MTERF3: variants seen among roughly 807,000 people sequenced by gnomAD.
MTERF3 encodes transcription termination factor 3, mitochondrial.
A neutral mutation model predicts 40.5 loss-of-function variants in MTERF3; 40 were observed. The observed-to-expected ratio is 0.99, with a 90% CI of 0.77 to 1.29. MTERF3 has a LOEUF of 1.29. Ranked by LOEUF, MTERF3 falls within the 50% of genes most tolerant of loss-of-function variation. The probability of loss-of-function intolerance (pLI) is 0.00; values close to 1 mark genes in which losing one functional copy is unlikely to be tolerated. For synonymous variants in MTERF3, 158 were observed against 166.6 expected (o/e 0.95, Z 0.40); for missense variants, 452 against 478.2 (o/e 0.95, Z 0.51).
chr8:96,250,666 AAGAAGAAGAAGAAGAAGG>A lies in MTERF3; in HGVS notation c.677+222_677+239del, dbSNP rs1810151939. 5.6e-5 allele frequency among the ~76,000 whole-genome samples: 2 copies of A among 35,496 alleles called. 1 individual carries two copies. Among genetic ancestry groups the A allele is most frequent in the Non-Finnish European group, 1.2e-4 (2 of 17,104 alleles). The allele number at this position is 35,496 out of a possible 152,430, so 23.3% of individuals were successfully genotyped here. A position where few individuals can be genotyped will look rare whatever the true frequency, so the allele number is the denominator to read the frequency against. On this transcript the variant is annotated intron_variant, in intron 4 of 7. Coordinates refer to ENST00000287025, the MANE Select transcript of MTERF3 (RefSeq NM_015942.5). ...GAAGAAGAAGAAGAAGAAGAAGAAGAAGAAGAAGAAGAAGAAGGAGGAGGAGGAGGGGGGGAGGGGGAG... is the reference window on the plus strand; with the variant it reads ...GAAGAAGAAGAAGAAGAAGAAGAAGAAGGAGGAGGAGGGGGGGAGGGGGAG...
chr8:96,246,123 T>C (rs1563545892), intron 5 of MTERF3, among the ~76,000 whole-genome samples, 184 bp downstream of exon 5: 1 of 152,184 alleles, frequency 6.6e-6, no homozygotes, highest in African/African-American at 2.4e-5. Context: ...AGGAACCAGT[T>C]TGATTAAGTA....
At chr8:96,248,585 G>A (rs1810064592) in intron 4 of MTERF3, among the ~76,000 whole-genome samples, 1 of 152,158 alleles carries the variant, frequency 6.6e-6, no homozygotes, top group African/African-American at 2.4e-5. Context: ...AAGGCCAAGG[G>A]ACAAAGTAGG....
At chr8:96,255,196 C>T (rs569630523) in intron 3 of MTERF3, among the ~76,000 whole-genome samples, 1 of 152,250 alleles carries the variant, frequency 6.6e-6, no homozygotes, top group Non-Finnish European at 1.5e-5. Context: ...TAGGAGGCTC[C>T]TGCAGCCACT....
At chr8:96,250,837 A>C in intron 4 of MTERF3, 69 bp downstream of exon 4, 1 of 1,443,060 alleles carries the variant, frequency 6.9e-7, no homozygotes. Context: ...GATTTAAAGA[A>C]TACCTTCCAC....
At chr8:96,256,392 G>C (rs772745665) in intron 3 of MTERF3, among the ~76,000 whole-genome samples, 3 of 152,146 alleles carry the variant, frequency 2.0e-5, no homozygotes, top group Non-Finnish European at 2.9e-5. Context: ...AAACTGTCCT[G>C]AGAGGCTACT....
chr8:96,247,622 C>A (rs1383735830), intron 4 of MTERF3, among the ~76,000 whole-genome samples: 1 of 152,082 alleles, frequency 6.6e-6, no homozygotes, highest in African/African-American at 2.4e-5. Context: ...CTCAGGCATG[C>A]CTACATCTAA....
intron 3 of MTERF3, among the ~76,000 whole-genome samples, chr8:96,256,227 A>C (rs1254389659): frequency 5.9e-5 from 9 of 152,244 alleles, no homozygotes. Flanking sequence ...GTGCAACCTA[A>C]TGGTCAACAA....
At chr8:96,258,149 A>G (rs985932301) in intron 2 of MTERF3, 2 of 717,410 alleles carry the variant, frequency 2.8e-6, no homozygotes, top group African/African-American at 3.9e-5. Context: ...ATGTGTAGCT[A>G]TAAAATAATC....
intron 7 of MTERF3, among the ~76,000 whole-genome samples, chr8:96,241,161 C>A (rs1362528458): frequency 6.6e-6 from 1 of 152,008 alleles, no homozygotes; most frequent in Non-Finnish European, 1.5e-5. Context: ...CCTGTAATCC[C>A]AGCACTTTGG....
chr8:96,239,663 T>C lies in MTERF3; in HGVS notation c.1082A>G (p.Lys361Arg). 10 of 1,594,314 alleles carry C rather than the reference T, an allele frequency of 6.3e-6. No individual in the cohort carries two copies. Among genetic ancestry groups the C allele is most frequent in the Non-Finnish European group, 7.7e-6 (9 of 1,175,280 alleles). ...FPQVFNTRLF[K>R]VKERHLFLTY... The stretch of plus-strand genomic sequence containing the variant: ...AAGAAACAAGTGTCTTTCTTTGACC[T>C]TAAACAGCCTTGTATTAAATACCTA... Residue 361 changes from lysine to arginine, a missense_variant, in exon 8 of 8, where the codon AAG (lysine) becomes AGG (arginine). Transcript: ENST00000287025.
At position 96,261,561 on chromosome 8, in the gene MTERF3, C is replaced by T. The variant is rs1810389961; in HGVS notation, c.-71G>A. ...CGGGACCGACCAACTCGCTGGGCCGCACGTCCCGTCCCGCCGCGCCGCACG... is the reference window on the plus strand; with the variant it reads ...CGGGACCGACCAACTCGCTGGGCCGTACGTCCCGTCCCGCCGCGCCGCACG... On this transcript the variant is annotated 5_prime_UTR_variant, in exon 1 of 8. Transcript: ENST00000287025. 6.5e-6 allele frequency: 1 copy of T among 154,628 alleles called. No homozygotes were observed. Among genetic ancestry groups the T allele is most frequent in the South Asian group, 1.9e-4 (1 of 5,336 alleles). The allele number at this position is 154,628 out of a possible 1,614,324, so 9.6% of individuals were successfully genotyped here.
chr8:96,250,797 T>C, intron 4 of MTERF3, 109 bp downstream of exon 4: 1 of 1,029,504 alleles, frequency 9.7e-7, no homozygotes, highest in East Asian at 2.8e-5. Flanking sequence ...AAAAAATTCA[T>C]GTTATCTCAG....
rs1809877001 is a variant in MTERF3 at position 96,239,424 on chromosome 8, A to ATTC, written c.*66_*67insGAA. ...ATATCAGTTGAGACCCGAGGCATTT[A>ATTC]AAAATATATTCATTTATTCATATAT... On this transcript the variant is annotated 3_prime_UTR_variant, in exon 8 of 8. Coordinates refer to ENST00000287025, the MANE Select transcript of MTERF3 (RefSeq NM_015942.5). 8.0e-7 allele frequency: 1 copy of ATTC among 1,242,330 alleles called. No homozygotes were observed. 77.0% of individuals were successfully genotyped at this position (1,242,330 alleles called of 1,614,324 possible).
rs372199279 is a variant in MTERF3, at chr8:96,244,035, T to C, written c.943A>G (p.Met315Val). The stretch of plus-strand genomic sequence containing the variant: ...AACATCTTTGGGATTCTGGTGATCA[T>C]ATGTTGAATTTCGTTATGTTTAAAA... Reference protein sequence around the residue: ...LGFKHNEIQHMITRIPKMLTA... With the variant: ...LGFKHNEIQHVITRIPKMLTA... The change falls in exon 7 of 8, where the codon ATG becomes GTG. Residue 315 changes from methionine to valine, a missense_variant. Met to Val is a conservative substitution (Grantham distance 21, BLOSUM62 1). Coordinates refer to ENST00000287025, the MANE Select transcript of MTERF3 (RefSeq NM_015942.5). The C allele has an allele frequency of 4.8e-5, 78 of 1,613,818 alleles. No individual in the cohort carries two copies. The African/African-American group carries it at 7.3e-4, about 15-fold the overall frequency.
At chr8:96,256,867 A>AT (rs2129943829) in intron 3 of MTERF3, 95 bp downstream of exon 3, 1 of 1,122,992 alleles carries the variant, frequency 8.9e-7, no homozygotes, top group Non-Finnish European at 1.2e-6. Context: ...TTATGTTTGT[A>AT]TACTACTTAG....
chr8:96,239,543 T>G lies in MTERF3; in HGVS notation c.1202A>C (p.Glu401Ala). 1 of 1,610,206 alleles carries G rather than the reference T, an allele frequency of 6.2e-7. No individual in the cohort carries two copies. The highest frequency in any genetic ancestry group is 8.5e-7 in the Non-Finnish European group (1 of 1,179,132). ...VSIPDEIFCE[E>A]IAKASVQDFE... is the part of the protein sequence containing the mutation. Reference sequence around the variant, plus strand: ...GTCCTGTACTGATGCTTTGGCAATCTCTTCACAAAATATTTCATCAGGAAT... The same window carrying G: ...GTCCTGTACTGATGCTTTGGCAATCGCTTCACAAAATATTTCATCAGGAAT... The change falls in exon 8 of 8, where the codon GAG becomes GCG. Residue 401 changes from glutamate (E) to alanine (A), a missense_variant. By Grantham distance (107) the Glu-to-Ala change is moderately radical. Transcript: ENST00000287025.
In MTERF3 at chr8:96,243,933, C is replaced by A. The variant is rs1563544892; in HGVS notation, c.1045G>T (p.Val349Phe). The change falls in exon 7 of 8, where the codon GTC (valine) becomes TTC (phenylalanine). Residue 349 changes from valine to phenylalanine, a missense_variant. Val to Phe is a conservative substitution (Grantham distance 50). Transcript: ENST00000287025. Reference sequence around the variant, plus strand: ...AGTGGCATTACCTGTGGGAACTTGACAATGATGTGGTGGGGAATGCTCATC... The same window carrying A: ...AGTGGCATTACCTGTGGGAACTTGAAAATGATGTGGTGGGGAATGCTCATC... ...NVMSIPHHII[V>F]KFPQVFNTRL... 6.2e-7 allele frequency: 1 copy of A among 1,613,746 alleles called. No homozygotes were observed.
rs374910514 is a variant in MTERF3 at position 96,244,073 on chromosome 8, C to T, written c.905G>A (p.Arg302His). The change falls in exon 7 of 8, where the codon CGT becomes CAT. Residue 302 changes from arginine (R) to histidine (H), a missense_variant. Transcript: ENST00000287025. The part of the protein sequence containing the change: ...EPVKENMKVY[R>H]LELGFKHNEI... Reference sequence around the variant, plus strand: ...GTTATGTTTAAAACCAAGTTCAAGACGATAAACCTAAAAGAAAGTAAATTT... The same window carrying T: ...GTTATGTTTAAAACCAAGTTCAAGATGATAAACCTAAAAGAAAGTAAATTT... The T allele has an allele frequency of 4.0e-5, 65 of 1,609,056 alleles. No individual in the cohort carries two copies. The highest frequency in any genetic ancestry group is 4.7e-5 in the Non-Finnish European group (55 of 1,176,558).
intron 3 of MTERF3, among the ~76,000 whole-genome samples, chr8:96,253,743 T>C (rs759391457): frequency 2.8e-4 from 43 of 151,914 alleles, no homozygotes; most frequent in Middle Eastern, 3.4e-3. Context: ...CGGTGGCTCA[T>C]GCCTGTTATC....
Sources: gnomAD v4.1 joint callset for allele counts (sites outside exome capture counted in the v4.1 genomes callset) on GRCh38, gnomAD v4.1.1 for gene constraint, MANE v1.5 for transcripts, NCBI Gene and HGNC (gene_info 2026-07-23, HGNC 2026-07-21) for gene names.